The following ZNF385D variants were observed in gnomAD, a reference collection of about 807,000 sequenced individuals.
ZNF385D encodes zinc finger protein 659.
A neutral mutation model predicts 35.8 loss-of-function variants in ZNF385D; 15 were observed. The ratio of observed to expected loss-of-function variants is 0.42; its 90% CI spans 0.28 to 0.64. The LOEUF (loss-of-function observed/expected upper bound fraction) is 0.64, where lower values mean the gene tolerates loss of function less well. Among genes scored for constraint, ZNF385D ranks in the 30% least tolerant of loss-of-function variants. The pLI is 0.23. For missense variants in ZNF385D, 474 were observed against 494.6 expected (o/e 0.96, Z 0.39); for synonymous variants, 212 against 186.8 (o/e 1.13, Z -1.10).
At chr3:22,328,739 T>C (rs944513649) in intron 2 of ZNF385D, among the ~76,000 whole-genome samples, 14 of 145,882 alleles carry the variant, frequency 9.6e-5, no homozygotes, top group African/African-American at 3.6e-4. Flanking sequence ...TCAAGCCTGG[T>C]GACACAGCAA....
At chr3:22,118,091 G>A (rs182780614) in intron 3 of ZNF385D, among the ~76,000 whole-genome samples, 41 of 152,172 alleles carry the variant, frequency 2.7e-4, no homozygotes, top group African/African-American at 9.9e-4. Flanking sequence ...TTTATGAAAT[G>A]TCATAAAATG....
chr3:22,102,861 G>T (rs1702012745), intron 3 of ZNF385D, among the ~76,000 whole-genome samples: 2 of 143,444 alleles, frequency 1.4e-5, no homozygotes, highest in African/African-American at 2.6e-5. Context: ...TTTGATACAT[G>T]TTTGTCTTCC....
At chr3:21,475,749 C>G (rs1373888915) in intron 4 of ZNF385D, among the ~76,000 whole-genome samples, 2 of 152,114 alleles carry the variant, frequency 1.3e-5, no homozygotes, top group Non-Finnish European at 2.9e-5. Flanking sequence ...CATACCTACA[C>G]TCATGCAAAG....
rs1700528256 is a variant in ZNF385D, at chr3:21,413,998, A to G, written c.*7216T>C. ...CATCCAGTTTTTGTGAGAGCTGAAT[A>G]TTTCATCATACATTGGATAACACTA... On this transcript the variant is annotated 3_prime_UTR_variant, in exon 8 of 8. Coordinates refer to ENST00000281523, the MANE Select transcript of ZNF385D (RefSeq NM_024697.3). The G allele has an allele frequency of 6.6e-6, 1 of 152,108 alleles. No homozygotes were observed. The highest frequency in any genetic ancestry group is 6.6e-5 in the Admixed American group (1 of 15,256). 9.4% of individuals were successfully genotyped at this position (152,108 alleles called of 1,614,324 possible).
chr3:22,045,500 CTT>C (rs1698939751), intron 3 of ZNF385D, among the ~76,000 whole-genome samples: 1 of 152,044 alleles, frequency 6.6e-6, no homozygotes, highest in South Asian at 2.1e-4. Context: ...TCCCACTTCT[CTT>C]TTAATTTCTA....
chr3:22,308,927 T>C (rs1236709915), intron 2 of ZNF385D, among the ~76,000 whole-genome samples: 9 of 152,116 alleles, frequency 5.9e-5, no homozygotes, highest in African/African-American at 2.2e-4. Flanking sequence ...AAATTTGCTT[T>C]ATAATTTAGG....
At chr3:21,684,409 CTCTCT>C in intron 1 of ZNF385D, among the ~76,000 whole-genome samples, 1 of 73,184 alleles carries the variant, frequency 1.4e-5, no homozygotes, top group Admixed American at 1.6e-4. Flanking sequence ...TCTCTCCTCT[CTCTCT>C]CTCTCTCTCT....
chr3:21,608,007 T>C (rs1366115613), intron 2 of ZNF385D, among the ~76,000 whole-genome samples: 1 of 144,564 alleles, frequency 6.9e-6, no homozygotes, highest in Non-Finnish European at 1.5e-5. Flanking sequence ...GTAATTCTTT[T>C]TCTTCTTTTT....
chr3:22,042,009 G>T (rs1430800521), intron 3 of ZNF385D, among the ~76,000 whole-genome samples: 1 of 152,156 alleles, frequency 6.6e-6, no homozygotes, highest in African/African-American at 2.4e-5. Flanking sequence ...ACAAAAGTTG[G>T]AAATGTGTTT....
At chr3:21,899,545 G>T (rs1699299085) in intron 3 of ZNF385D, among the ~76,000 whole-genome samples, 1 of 152,056 alleles carries the variant, frequency 6.6e-6, no homozygotes, top group South Asian at 2.1e-4. Flanking sequence ...TTATGCAGTT[G>T]CTCTAGGCAC....
rs1225701545 is a variant in ZNF385D at position 22,144,597 on chromosome 3, AAAAG to A, written c.325+24216_325+24219del. On this transcript the variant is annotated intron_variant, in intron 3 of 5. Coordinates refer to the ZNF385D transcript ENST00000494108. Reference sequence around the variant, plus strand: ...CAAAAAAAAAAAAAAAAAAAAAAAAAAAAGAACGCCTTTCAAACACTTACTTTTA... The same window carrying A: ...CAAAAAAAAAAAAAAAAAAAAAAAAAAACGCCTTTCAAACACTTACTTTTA... Among the ~76,000 whole-genome samples the A allele has an allele frequency of 3.3e-3, 488 of 145,994 alleles. 4 individuals carry two copies. Among genetic ancestry groups the A allele is most frequent in the Non-Finnish European group, 5.4e-3 (349 of 64,900 alleles).
At chr3:21,678,095 A>G (rs1461068155) in intron 1 of ZNF385D, among the ~76,000 whole-genome samples, 1 of 152,042 alleles carries the variant, frequency 6.6e-6, no homozygotes, top group Non-Finnish European at 1.5e-5. Context: ...TATCCCCGAC[A>G]CAAACCCTCA....
Position 21,920,949 on chromosome 3 carries a change from C to T in ZNF385D, c.325+247868G>A, listed in dbSNP as rs555131270. Among the ~76,000 whole-genome samples, 38 of 152,164 alleles carry T rather than the reference C, an allele frequency of 2.5e-4. No homozygotes were observed. In the South Asian group the frequency reaches 7.7e-3, roughly 31 times the overall value. ...ACAAACACTGGGTAAGGCGCAGTGG[C>T]TCATGCTTGTAATCCCAGCACTCTG... On this transcript the variant is annotated intron_variant, in intron 3 of 5. Coordinates refer to the ZNF385D transcript ENST00000494108.
At chr3:21,840,460 C>T (rs1276129803) in intron 3 of ZNF385D, among the ~76,000 whole-genome samples, 1 of 152,032 alleles carries the variant, frequency 6.6e-6, no homozygotes, top group Non-Finnish European at 1.5e-5. Flanking sequence ...TGCACTCCTT[C>T]CTTTTGTCTA....
chr3:22,358,581 G>A (rs1465377884), intron 2 of ZNF385D, among the ~76,000 whole-genome samples: 1 of 151,700 alleles, frequency 6.6e-6, no homozygotes, highest in Non-Finnish European at 1.5e-5. Flanking sequence ...AAATAAGTGG[G>A]CATTGGGACA....
chr3:21,711,181 A>G (rs2068093846), intron 1 of ZNF385D, among the ~76,000 whole-genome samples: 1 of 151,210 alleles, frequency 6.6e-6, no homozygotes, highest in Non-Finnish European at 1.5e-5. Flanking sequence ...AGCTGGGACT[A>G]CAGGAGCCCA....
chr3:21,849,949 G>T (rs1224708229), intron 3 of ZNF385D, among the ~76,000 whole-genome samples: 2 of 151,998 alleles, frequency 1.3e-5, no homozygotes, highest in Middle Eastern at 6.8e-3. Context: ...TCACTATGTT[G>T]CCCATGCTAG....
At chr3:22,011,138 G>A (rs1392899759) in intron 3 of ZNF385D, among the ~76,000 whole-genome samples, 5 of 151,824 alleles carry the variant, frequency 3.3e-5, no homozygotes, top group Non-Finnish European at 5.9e-5. Flanking sequence ...ATTTATTTTT[G>A]TATATAACTA....
At chr3:21,621,814 A>G (rs766787833) in intron 2 of ZNF385D, among the ~76,000 whole-genome samples, 5 of 149,130 alleles carry the variant, frequency 3.4e-5, no homozygotes, top group Non-Finnish European at 7.4e-5. Flanking sequence ...TACTAATTTT[A>G]TGTCTTCTGT....
Sources: gnomAD v4.1 joint callset for allele counts (sites outside exome capture counted in the v4.1 genomes callset) on GRCh38, gnomAD v4.1.1 for gene constraint, MANE v1.5 for transcripts, NCBI Gene and HGNC (gene_info 2026-07-23, HGNC 2026-07-21) for gene names.